SREBF2: variants seen among roughly 807,000 people sequenced by gnomAD.
SREBF2 encodes the protein sterol regulatory element-binding protein 2.
Under a neutral mutation model 113.1 loss-of-function variants are expected in SREBF2, and 55 were observed. The ratio of observed to expected loss-of-function variants is 0.49; its 90% CI spans 0.39 to 0.61. The LOEUF is 0.61. Ranked by LOEUF, SREBF2 falls within the 20% of genes least tolerant of loss-of-function variation. The pLI, the probability that SREBF2 is intolerant of heterozygous loss-of-function variation, is 0.00. For missense variants in SREBF2, 1,349 were observed against 1,487.4 expected, an observed-to-expected ratio of 0.91 and a Z score of 1.53; for synonymous variants, 593 against 605.7, an observed-to-expected ratio of 0.98 and a Z score of 0.31.
At chr22:41,848,437 A>G (rs529120052) in intron 1 of SREBF2, among the ~76,000 whole-genome samples, 6 of 152,306 alleles carry the variant, frequency 3.9e-5, no homozygotes, top group African/African-American at 1.4e-4. Flanking sequence ...TAAGTGGGAT[A>G]AGAGAGACAG....
At position 41,906,700 on chromosome 22, in the gene SREBF2, T is replaced by C. The variant is rs1006109223; in HGVS notation, c.*1040T>C. ...GTAAGTTGAGGCATATCTGTATATA[T>C]TTAAACCTAATTAATTCTTGAGCTG... On this transcript the variant is annotated 3_prime_UTR_variant, in exon 19 of 19. Coordinates refer to ENST00000361204, the MANE Select transcript of SREBF2 (RefSeq NM_004599.4). 7 of 152,224 alleles carry C rather than the reference T, an allele frequency of 4.6e-5. No individual in the cohort carries two copies. Among genetic ancestry groups the C allele is most frequent in the African/African-American group, 1.7e-4 (7 of 41,444 alleles). The allele number at this position is 152,224 out of a possible 1,614,324, so 9.4% of individuals were successfully genotyped here.
intron 11 of SREBF2, among the ~76,000 whole-genome samples, chr22:41,888,697 A>G (rs1268485762): frequency 1.3e-5 from 2 of 152,206 alleles, no homozygotes; most frequent in East Asian, 1.9e-4. Flanking sequence ...ATTTTTGTCC[A>G]TTGTCTTCAT....
chr22:41,895,279 A>G (rs1369268144), intron 13 of SREBF2, among the ~76,000 whole-genome samples: 2 of 151,820 alleles, frequency 1.3e-5, no homozygotes, highest in East Asian at 3.9e-4. Flanking sequence ...AGCTGGGACT[A>G]CAGGCGCCTG....
chr22:41,851,965 C>A (rs1022391527), intron 1 of SREBF2, among the ~76,000 whole-genome samples: 3 of 151,924 alleles, frequency 2.0e-5, no homozygotes, highest in Non-Finnish European at 4.4e-5. Context: ...CTAAAAAATA[C>A]GAAAAATTAG....
intron 1 of SREBF2, among the ~76,000 whole-genome samples, chr22:41,846,849 C>T (rs766125398): frequency 2.0e-5 from 3 of 152,182 alleles, no homozygotes; most frequent in Non-Finnish European, 4.4e-5. Context: ...TTGTGAGGCA[C>T]TTGTCTGTTC....
chr22:41,889,884 C>T (rs1383519336), intron 11 of SREBF2, among the ~76,000 whole-genome samples: 1 of 151,876 alleles, frequency 6.6e-6, no homozygotes, highest in East Asian at 1.9e-4. Flanking sequence ...ACCTGTAATC[C>T]CAGCTACTCG....
chr22:41,907,083 T>A lies in SREBF2; in HGVS notation c.*1423T>A, dbSNP rs2077515493. 2 of 152,272 alleles carry A rather than the reference T, an allele frequency of 1.3e-5. No homozygotes were observed. The highest frequency in any genetic ancestry group is 2.9e-5 in the Non-Finnish European group (2 of 68,100). The allele number at this position is 152,272 out of a possible 1,614,324, so 9.4% of individuals were successfully genotyped here. On this transcript the variant is annotated 3_prime_UTR_variant, in exon 19 of 19. Coordinates refer to ENST00000361204, the MANE Select transcript of SREBF2 (RefSeq NM_004599.4). ...CCCTGGGGTGTGCTTGGACCCCACCTGCTTTCTTTCTCTCCTGCCCCTCCC... is the reference window on the plus strand; with the variant it reads ...CCCTGGGGTGTGCTTGGACCCCACCAGCTTTCTTTCTCTCCTGCCCCTCCC...
intron 1 of SREBF2, among the ~76,000 whole-genome samples, chr22:41,861,235 G>A (rs1035543609): frequency 6.6e-6 from 1 of 152,198 alleles, no homozygotes; most frequent in Non-Finnish European, 1.5e-5. Context: ...TGTAATCCCA[G>A]CACTTTGGGA....
intron 13 of SREBF2, among the ~76,000 whole-genome samples, 163 bp downstream of exon 13, chr22:41,895,100 A>G (rs186307147): frequency 1.0e-4 from 15 of 149,856 alleles, no homozygotes; most frequent in Admixed American, 7.3e-4. Flanking sequence ...TGAGAGCCCT[A>G]TGTTAACTCT....
chr22:41,885,436 C>T (rs898481360), intron 11 of SREBF2, among the ~76,000 whole-genome samples: 14 of 152,176 alleles, frequency 9.2e-5, no homozygotes, highest in African/African-American at 3.4e-4. Context: ...TTGATCACAG[C>T]ACTGTGAATC....
chr22:41,896,995 G>T (rs897264105), intron 13 of SREBF2, 57 bp from the exon 14 acceptor site: 3 of 1,229,084 alleles, frequency 2.4e-6, no homozygotes, highest in Non-Finnish European at 3.5e-6. Flanking sequence ...GCTAGGCCAT[G>T]AGGTGGGCCT....
chr22:41,883,057 G>T (rs2077264239), intron 10 of SREBF2, among the ~76,000 whole-genome samples: 1 of 152,230 alleles, frequency 6.6e-6, no homozygotes, highest in African/African-American at 2.4e-5. Context: ...GCTGCAGCGA[G>T]CTGTGATTGT....
chr22:41,886,487 C>A (rs1053985614), intron 11 of SREBF2, among the ~76,000 whole-genome samples: 4 of 152,146 alleles, frequency 2.6e-5, no homozygotes, highest in Non-Finnish European at 5.9e-5. Context: ...TGAAGACATT[C>A]ATTTTATCAA....
chr22:41,835,125 T>A (rs922247227), intron 1 of SREBF2, among the ~76,000 whole-genome samples: 2 of 149,098 alleles, frequency 1.3e-5, no homozygotes, highest in African/African-American at 5.0e-5. Flanking sequence ...CCTATTTGTC[T>A]TATTTTGTTT....
At chr22:41,847,512 C>T (rs1253380876) in intron 1 of SREBF2, among the ~76,000 whole-genome samples, 2 of 152,208 alleles carry the variant, frequency 1.3e-5, no homozygotes, top group African/African-American at 4.8e-5. Context: ...TCACTCTACT[C>T]ATTCGTGAAT....
chr22:41,881,957 A>G (rs1481072449), intron 10 of SREBF2, among the ~76,000 whole-genome samples: 3 of 152,132 alleles, frequency 2.0e-5, no homozygotes, highest in Non-Finnish European at 4.4e-5. Flanking sequence ...CTGTAATCCC[A>G]GCTACCCAGG....
At chr22:41,843,270 T>C (rs184486690) in intron 1 of SREBF2, among the ~76,000 whole-genome samples, 1 of 152,370 alleles carries the variant, frequency 6.6e-6, no homozygotes, top group Admixed American at 6.5e-5. Context: ...CCTCTACTTT[T>C]TGATCGTTCA....
intron 12 of SREBF2, 55 bp from the exon 13 acceptor site, chr22:41,894,765 A>G: frequency 6.7e-7 from 1 of 1,490,480 alleles, no homozygotes; most frequent in Non-Finnish European, 9.4e-7. Flanking sequence ...CCGTAAAGAC[A>G]AAGTGGGCTC....
intron 1 of SREBF2, among the ~76,000 whole-genome samples, chr22:41,865,738 T>A (rs956870271): frequency 6.6e-6 from 1 of 151,890 alleles, no homozygotes; most frequent in South Asian, 2.1e-4. Flanking sequence ...AAGCACGGAG[T>A]TCAGGGTGGG....
Sources: allele counts gnomAD v4.1 joint callset (sites outside exome capture counted in the v4.1 genomes callset), GRCh38; gene constraint gnomAD v4.1.1; transcripts MANE v1.5; gene names NCBI Gene and HGNC (gene_info 2026-07-23, HGNC 2026-07-21).